The following ZNF831 variants were observed in gnomAD, a reference collection of about 807,000 sequenced individuals.
ZNF831 encodes chromosome 20 open reading frame 174.
A neutral mutation model predicts 95.8 loss-of-function variants in ZNF831; 59 were observed. That is an observed-to-expected ratio of 0.62 (90% CI 0.50 to 0.77). ZNF831 has a LOEUF of 0.77. Among genes scored for constraint, ZNF831 ranks in the 30% least tolerant of loss-of-function variants. The probability of loss-of-function intolerance (pLI) is 0.00; values close to 1 mark genes in which losing one functional copy is unlikely to be tolerated. For synonymous variants in ZNF831, 961 were observed against 925.5 expected (o/e 1.04, Z -0.70); for missense variants, 2,205 against 2,164.0 (o/e 1.02, Z -0.38).
chr20:59,171,825 T>G (rs1981759855), intron 1 of ZNF831, among the ~76,000 whole-genome samples: 1 of 152,204 alleles, frequency 6.6e-6, no homozygotes, highest in African/African-American at 2.4e-5. Context: ...ACTTTCTTCT[T>G]CCACCACCCA....
At chr20:59,226,796 G>C (rs143718276) in intron 4 of ZNF831, among the ~76,000 whole-genome samples, 233 of 151,870 alleles carry the variant, frequency 1.5e-3, no homozygotes, top group Middle Eastern at 0.01. Context: ...ATCATCACCA[G>C]AGCCACTTGT....
chr20:59,241,031 GT>G (rs1237582665), intron 4 of ZNF831, among the ~76,000 whole-genome samples: 1 of 151,552 alleles, frequency 6.6e-6, no homozygotes, highest in African/African-American at 2.4e-5. Context: ...AGTTTCTGAG[GT>G]AAAAAAGAAA....
chr20:59,155,654 CGCA>C (rs1355133289), intron 2 of ZNF831, among the ~76,000 whole-genome samples: 1 of 152,158 alleles, frequency 6.6e-6, no homozygotes, highest in East Asian at 1.9e-4. Context: ...GGGGCCAGGC[CGCA>C]CTGTCTACCC....
chr20:59,130,509 C>T (rs531790103), intron 1 of ZNF831, among the ~76,000 whole-genome samples: 26 of 152,272 alleles, frequency 1.7e-4, no homozygotes, highest in East Asian at 9.6e-4. Context: ...AAGTTTGAGG[C>T]GTTTGGCTTC....
chr20:59,150,250 C>G (rs1289059603), intron 2 of ZNF831, among the ~76,000 whole-genome samples: 1 of 152,188 alleles, frequency 6.6e-6, no homozygotes, highest in East Asian at 1.9e-4. Context: ...CCTCCCTATC[C>G]TAGATTGGGA....
At position 59,217,162 on chromosome 20, in the gene ZNF831, CTGTGTGTG is replaced by C. The variant is rs201079519; in HGVS notation, c.4027+10132_4027+10139del. ...GAGTACATCTGACAGATCTTCATCT[CTGTGTGTG>C]TGTGTGTGTGTGTGTGTGTGTGTGT... On this transcript the variant is annotated intron_variant, in intron 4 of 5. Transcript: ENST00000371030. The surrounding 1 kb of genome is among the most constrained non-coding windows in gnomAD (Gnocchi z 4.4). Among the ~76,000 whole-genome samples the C allele has an allele frequency of 8.1e-5, 12 of 148,616 alleles. No individual in the cohort carries two copies. The highest frequency in any genetic ancestry group is 2.7e-4 in the Admixed American group (4 of 14,990).
chr20:59,176,974 C>T (rs6100356), intron 1 of ZNF831, among the ~76,000 whole-genome samples: 2 of 151,522 alleles, frequency 1.3e-5, no homozygotes, highest in Non-Finnish European at 2.9e-5. Flanking sequence ...CAAGATAAAC[C>T]TCCAACACAG....
At chr20:59,132,747 C>T (rs1979386947) in intron 1 of ZNF831, among the ~76,000 whole-genome samples, 1 of 152,210 alleles carries the variant, frequency 6.6e-6, no homozygotes, top group Non-Finnish European at 1.5e-5. Flanking sequence ...AGCAAACTTT[C>T]AACTTCATCT....
At chr20:59,195,026 C>A (rs1333967531) in intron 2 of ZNF831, among the ~76,000 whole-genome samples, 3 of 152,172 alleles carry the variant, frequency 2.0e-5, no homozygotes, top group African/African-American at 7.2e-5. Context: ...TCTTCATAAC[C>A]AAATGTAAAA....
At chr20:59,185,464 A>C in intron 1 of ZNF831, among the ~76,000 whole-genome samples, 1 of 150,150 alleles carries the variant, frequency 6.7e-6, no homozygotes, top group Non-Finnish European at 1.5e-5. Context: ...TCCTCCCCCT[A>C]CCCCCAGGTT....
In ZNF831 at chr20:59,208,540, A is replaced by G. The variant is rs1439759476; in HGVS notation, c.4027+1484A>G. 6.6e-6 allele frequency among the ~76,000 whole-genome samples: 1 copy of G among 152,200 alleles called. No individual in the cohort carries two copies. The highest frequency in any genetic ancestry group is 1.5e-5 in the Non-Finnish European group (1 of 68,032). On this transcript the variant is annotated intron_variant, in intron 4 of 5. Coordinates refer to ENST00000371030, the MANE Select transcript of ZNF831 (RefSeq NM_178457.3). This position sits in a 1 kb window ranked among gnomAD's most constrained non-coding sequence, Gnocchi z 4.2. ...AACCCACAGCTGGGAATCCAGGTCCAGCCCAGCACCCTCTGAAGTGCCAAC... is the reference window on the plus strand; with the variant it reads ...AACCCACAGCTGGGAATCCAGGTCCGGCCCAGCACCCTCTGAAGTGCCAAC...
At chr20:59,156,183 C>T (rs566127645) in intron 2 of ZNF831, among the ~76,000 whole-genome samples, 2 of 152,312 alleles carry the variant, frequency 1.3e-5, no homozygotes, top group Admixed American at 1.3e-4. Flanking sequence ...CTCTCGCCTC[C>T]TTTATTATTA....
chr20:59,130,557 T>A (rs73306821), intron 1 of ZNF831, among the ~76,000 whole-genome samples: 15,678 of 152,166 alleles, frequency 0.1, 864 homozygotes, highest in Non-Finnish European at 0.12. Flanking sequence ...TGTGTGAACA[T>A]GTCCTGTGGA....
intron 4 of ZNF831, among the ~76,000 whole-genome samples, chr20:59,209,368 G>A (rs999225882): frequency 6.6e-6 from 1 of 152,198 alleles, no homozygotes; most frequent in Non-Finnish European, 1.5e-5. Context: ...TAGTGTTGGG[G>A]GAGGAAGACA....
chr20:59,159,891 C>T (rs1212269610), upstream of ZNF831: 2 of 152,382 alleles, frequency 1.3e-5, no homozygotes. Flanking sequence ...TCAGCTTCCA[C>T]CTGGTGCGTA....
intron 1 of ZNF831, among the ~76,000 whole-genome samples, chr20:59,129,513 C>G (rs1164014914): frequency 6.6e-6 from 1 of 152,144 alleles, no homozygotes; most frequent in Non-Finnish European, 1.5e-5. Context: ...ATCCTAGCTA[C>G]TCAGGAGGCT....
intron 1 of ZNF831, among the ~76,000 whole-genome samples, chr20:59,181,967 G>C (rs1021336329): frequency 1.5e-4 from 23 of 152,090 alleles, no homozygotes; most frequent in African/African-American, 5.3e-4. Flanking sequence ...AGTTCTCCTT[G>C]AAGAGGTCCT....
At chr20:59,223,671 T>A (rs1397563078) in intron 4 of ZNF831, among the ~76,000 whole-genome samples, 3 of 152,112 alleles carry the variant, frequency 2.0e-5, no homozygotes, top group Non-Finnish European at 4.4e-5. Flanking sequence ...ACAAAATATA[T>A]CTAGAATTTG....
chr20:59,144,251 A>G (rs1372818283), intron 1 of ZNF831, among the ~76,000 whole-genome samples: 1 of 152,148 alleles, frequency 6.6e-6, no homozygotes, highest in Non-Finnish European at 1.5e-5. Context: ...CTTACCACAC[A>G]CAGTAGAACA....
Sources: allele counts gnomAD v4.1 joint callset (sites outside exome capture counted in the v4.1 genomes callset), GRCh38; gene constraint gnomAD v4.1.1; non-coding constraint Gnocchi (gnomAD v3.1); transcripts MANE v1.5; gene names NCBI Gene and HGNC (gene_info 2026-07-23, HGNC 2026-07-21).